Variants in GRAMD2B observed in about 807,000 individuals in gnomAD.
GRAMD2B encodes GRAM domain containing 2B, also known as GRAM domain-containing protein 2B.
A neutral mutation model predicts 59.2 loss-of-function variants in GRAMD2B; 41 were observed. The ratio of observed to expected loss-of-function variants is 0.69; its 90% CI spans 0.54 to 0.90. The LOEUF is 0.90. Among genes scored for constraint, GRAMD2B ranks in the 40% least tolerant of loss-of-function variants. The probability of loss-of-function intolerance (pLI) is 0.00; values close to 1 mark genes in which losing one functional copy is unlikely to be tolerated. For missense variants in GRAMD2B, 424 were observed against 500.5 expected (o/e 0.85, Z 1.46); for synonymous variants, 161 against 182.7 (o/e 0.88, Z 0.96).
intron 1 of GRAMD2B, among the ~76,000 whole-genome samples, chr5:126,412,696 C>G (rs1758918577): frequency 6.6e-6 from 1 of 152,024 alleles, no homozygotes; most frequent in Non-Finnish European, 1.5e-5. Context: ...ACCAGCTCTT[C>G]GTTGTATTTC....
chr5:126,473,898 G>A (rs1214551751), intron 5 of GRAMD2B, among the ~76,000 whole-genome samples: 3 of 152,118 alleles, frequency 2.0e-5, no homozygotes, highest in Non-Finnish European at 4.4e-5. Context: ...GCCTGGGTAA[G>A]TCAGACATCC....
At chr5:126,489,445 A>G (rs1269611041) in intron 13 of GRAMD2B, among the ~76,000 whole-genome samples, 1 of 152,236 alleles carries the variant, frequency 6.6e-6, no homozygotes, top group Non-Finnish European at 1.5e-5. Flanking sequence ...AGAGAGCATT[A>G]GAAGAAAAAT....
intron 1 of GRAMD2B, among the ~76,000 whole-genome samples, chr5:126,382,423 A>T (rs1474974079): frequency 6.6e-6 from 1 of 152,110 alleles, no homozygotes; most frequent in East Asian, 1.9e-4. Context: ...GGATTGGATT[A>T]ATTCAAAAAC....
At chr5:126,446,107 G>A (rs1181694534) in intron 1 of GRAMD2B, among the ~76,000 whole-genome samples, 1 of 152,118 alleles carries the variant, frequency 6.6e-6, no homozygotes, top group Non-Finnish European at 1.5e-5. Flanking sequence ...TAGTTTCCCT[G>A]AAAAACAGCC....
At chr5:126,465,172 A>G in intron 1 of GRAMD2B, 1 of 1,346,086 alleles carries the variant, frequency 7.4e-7, no homozygotes, top group Non-Finnish European at 9.6e-7. Flanking sequence ...GGCAGCACAG[A>G]CCTGGGAGCC....
intron 1 of GRAMD2B, among the ~76,000 whole-genome samples, chr5:126,407,466 G>A (rs982739404): frequency 2.0e-5 from 3 of 152,012 alleles, no homozygotes; most frequent in Non-Finnish European, 2.9e-5. Flanking sequence ...TTAAGCTAGA[G>A]CGTTCGGGGT....
chr5:126,450,114 T>A (rs185155394), intron 1 of GRAMD2B, among the ~76,000 whole-genome samples: 1 of 151,784 alleles, frequency 6.6e-6, no homozygotes, highest in Non-Finnish European at 1.5e-5. Flanking sequence ...ATGAAGGGTA[T>A]AGGAGGAAAG....
At chr5:126,442,589 G>A (rs891207673) in intron 1 of GRAMD2B, among the ~76,000 whole-genome samples, 4 of 152,096 alleles carry the variant, frequency 2.6e-5, no homozygotes, top group African/African-American at 9.7e-5. Flanking sequence ...ACCGCGCCTG[G>A]CCTAAAATGC....
At chr5:126,401,862 C>A (rs1024981083) in intron 1 of GRAMD2B, among the ~76,000 whole-genome samples, 4 of 152,048 alleles carry the variant, frequency 2.6e-5, no homozygotes, top group Non-Finnish European at 5.9e-5. Context: ...CAAGATATCA[C>A]TGTTGCTGAT....
At chr5:126,432,145 T>A (rs1761667003) in intron 1 of GRAMD2B, among the ~76,000 whole-genome samples, 1 of 151,986 alleles carries the variant, frequency 6.6e-6, no homozygotes, top group African/African-American at 2.4e-5. Flanking sequence ...CTCAGACTGG[T>A]CTTGAACTCC....
At chr5:126,381,565 G>A (rs1027768885) in intron 1 of GRAMD2B, among the ~76,000 whole-genome samples, 6 of 151,998 alleles carry the variant, frequency 3.9e-5, no homozygotes, top group East Asian at 1.9e-4. Flanking sequence ...CCTTTACCTC[G>A]GGTTTATGTG....
chr5:126,413,000 T>C (rs1383712852), intron 1 of GRAMD2B, among the ~76,000 whole-genome samples: 2 of 152,118 alleles, frequency 1.3e-5, no homozygotes, highest in Non-Finnish European at 2.9e-5. Flanking sequence ...TTCTCTCTTT[T>C]TTCTTTATTA....
intron 1 of GRAMD2B, among the ~76,000 whole-genome samples, chr5:126,378,426 C>T (rs547084083): frequency 1.3e-5 from 2 of 152,274 alleles, no homozygotes; most frequent in East Asian, 3.9e-4. Flanking sequence ...CTTTCCAATT[C>T]ATAATTTGAT....
In GRAMD2B at chr5:126,423,499, G is replaced by A; in HGVS notation, c.-108G>A. The A allele has an allele frequency of 2.0e-6, 3 of 1,529,122 alleles. No homozygotes were observed. The highest frequency in any genetic ancestry group is 2.6e-6 in the Non-Finnish European group (3 of 1,140,406). The allele number at this position is 1,529,122 out of a possible 1,614,324, so 94.7% of individuals were successfully genotyped here. ...GCGCTGGGCGGAGGGTGCAGGGGAG[G>A]GCACGGCGCCGCTTGCTTGGCCTGC... On this transcript the variant is annotated 5_prime_UTR_variant, in exon 1 of 14. Coordinates refer to ENST00000285689, the MANE Select transcript of GRAMD2B (RefSeq NM_023927.4).
intron 1 of GRAMD2B, among the ~76,000 whole-genome samples, chr5:126,395,780 G>A (rs561102788): frequency 2.0e-5 from 3 of 152,036 alleles, no homozygotes; most frequent in Admixed American, 6.6e-5. Context: ...GTGTGTGCGC[G>A]CATGCACATG....
upstream of GRAMD2B, among the ~76,000 whole-genome samples, chr5:126,369,957 T>C (rs1239914319): frequency 6.6e-6 from 1 of 152,238 alleles, no homozygotes; most frequent in Non-Finnish European, 1.5e-5. Context: ...GCTTATTTAA[T>C]GTCTCCAACA....
rs767778257 is a variant in GRAMD2B at position 126,472,296 on chromosome 5, T to C, written c.374T>C (p.Leu125Pro). 2.5e-6 allele frequency: 4 copies of C among 1,613,620 alleles called. No homozygotes were observed. The highest frequency in any genetic ancestry group is 3.4e-6 in the Non-Finnish European group (4 of 1,179,518). The change falls in exon 4 of 14, where the codon CTG becomes CCG. Residue 125 changes from leucine to proline, a missense_variant. Transcript: ENST00000285689. Reference protein sequence around the residue: ...LFLSVPTEEPLKQSFTCALQK... With the variant: ...LFLSVPTEEPPKQSFTCALQK... ...CTTAGTGTCCCAACGGAGGAACCACTGAAGCAAAGTAAGTTCTGACCTGTT... is the reference window on the plus strand; with the variant it reads ...CTTAGTGTCCCAACGGAGGAACCACCGAAGCAAAGTAAGTTCTGACCTGTT...
chr5:126,455,840 C>A (rs1022252586), intron 1 of GRAMD2B, among the ~76,000 whole-genome samples: 1 of 152,228 alleles, frequency 6.6e-6, no homozygotes, highest in Non-Finnish European at 1.5e-5. Context: ...TTCCACACAA[C>A]TTCTCTGAGT....
chr5:126,492,120 A>G (rs533048438), intron 13 of GRAMD2B, among the ~76,000 whole-genome samples: 1 of 152,342 alleles, frequency 6.6e-6, no homozygotes, highest in South Asian at 2.1e-4. Flanking sequence ...TTAAGATCCA[A>G]ACATCTGACG....
Sources: allele counts gnomAD v4.1 joint callset (sites outside exome capture counted in the v4.1 genomes callset), GRCh38; gene constraint gnomAD v4.1.1; transcripts MANE v1.5; gene names NCBI Gene and HGNC (gene_info 2026-07-23, HGNC 2026-07-21).